Variants in ADGRD1 observed in about 807,000 individuals in gnomAD.
ADGRD1 encodes G-protein coupled receptor 133.
Under a neutral mutation model 113.4 loss-of-function variants are expected in ADGRD1, and 77 were observed. The ratio of observed to expected loss-of-function variants is 0.68; its 90% confidence interval spans 0.57 to 0.82. The LOEUF (loss-of-function observed/expected upper bound fraction) is 0.82. ADGRD1 is among the 40% of genes least tolerant of loss of function. ADGRD1 has a pLI of 0.00. For missense variants in ADGRD1, 1,036 were observed against 1,139.1 expected (o/e 0.91, Z 1.30); for synonymous variants, 474 against 475.0 (o/e 1.00, Z 0.03).
intron 13 of ADGRD1, among the ~76,000 whole-genome samples, chr12:131,033,804 TA>T (rs1357188944): frequency 1.3e-5 from 2 of 152,112 alleles, no homozygotes; most frequent in East Asian, 1.9e-4. Context: ...CTGCGTCTGC[TA>T]GGGGGAAGCA....
intron 23 of ADGRD1, 57 bp downstream of exon 23, chr12:131,137,071 A>G: frequency 7.3e-7 from 1 of 1,366,522 alleles, no homozygotes. Context: ...CCTTTCCGAA[A>G]GGTCACAGGA....
chr12:131,003,101 G>C lies in ADGRD1; in HGVS notation c.1027-84G>C. On this transcript the variant is annotated intron_variant, in intron 9 of 24. Transcript: ENST00000261654. The surrounding 1 kb of genome is among the most constrained non-coding windows in gnomAD (Gnocchi z 4.8). ...CCTCGTGGCCAACGTGGGGAAACTT[G>C]ATTTTGTGTGCCTGGTGCACCTGCC... 9.0e-7 allele frequency: 1 copy of C among 1,114,742 alleles called. No homozygotes were observed. The allele number at this position is 1,114,742 out of a possible 1,614,324, so 69.1% of individuals were successfully genotyped here. A position where few individuals can be genotyped will look rare whatever the true frequency, so the allele number is the denominator to read the frequency against.
intron 14 of ADGRD1, among the ~76,000 whole-genome samples, chr12:131,078,849 C>T (rs1566089712): frequency 6.6e-6 from 1 of 152,100 alleles, no homozygotes; most frequent in Non-Finnish European, 1.5e-5. Flanking sequence ...GCAATTATTA[C>T]TTATTATTAT....
chr12:131,134,100 A>C (rs1195436338), intron 21 of ADGRD1, among the ~76,000 whole-genome samples: 1 of 152,216 alleles, frequency 6.6e-6, no homozygotes, highest in Non-Finnish European at 1.5e-5. Flanking sequence ...CCTGAAAAAG[A>C]AGCAGAGAAT....
intron 13 of ADGRD1, among the ~76,000 whole-genome samples, chr12:131,054,449 G>A (rs1883673327): frequency 6.6e-6 from 1 of 152,226 alleles, no homozygotes; most frequent in South Asian, 2.1e-4. Context: ...AGCCATTAGT[G>A]TCAAGCTAAG....
chr12:130,968,842 C>T (rs879752582), intron 3 of ADGRD1: 26 of 620,330 alleles, frequency 4.2e-5, no homozygotes, highest in Non-Finnish European at 6.0e-5. Context: ...ATGTGAGGTC[C>T]GAAGAGAAAG....
At chr12:130,990,916 T>G (rs962849824) in intron 6 of ADGRD1, 98 bp from the exon 7 acceptor site, 2 of 852,854 alleles carry the variant, frequency 2.3e-6, no homozygotes, top group Admixed American at 4.1e-5. Context: ...CTCTCTTCCA[T>G]GTGTCTGAAG....
intron 15 of ADGRD1, among the ~76,000 whole-genome samples, chr12:131,085,848 C>T (rs1430235562): frequency 6.6e-6 from 1 of 152,164 alleles, no homozygotes; most frequent in Non-Finnish European, 1.5e-5. Context: ...ACGCCTCCAG[C>T]GTCTCCCGGA....
chr12:131,125,007 C>A (rs1423701244), intron 20 of ADGRD1, among the ~76,000 whole-genome samples: 1 of 152,162 alleles, frequency 6.6e-6, no homozygotes, highest in Non-Finnish European at 1.5e-5. Context: ...AGGCCTCTCT[C>A]CTTAGCTTGT....
rs78359458 is a variant in ADGRD1 at position 131,125,507 on chromosome 12, T to C, written c.2175+4594T>C. On this transcript the variant is annotated intron_variant, in intron 20 of 24. Transcript: ENST00000261654. ...AGAGACAGAGATATGGTTACAGATA[T>C]ATATACAGAGGTATAGATGCAAACA... 7.2e-5 allele frequency among the ~76,000 whole-genome samples: 11 copies of C among 152,284 alleles called. No individual in the cohort carries two copies. In the East Asian group the frequency reaches 1.2e-3, roughly 16 times the overall value.
intron 8 of ADGRD1, among the ~76,000 whole-genome samples, chr12:130,999,167 A>C (rs1463569051): frequency 6.6e-6 from 1 of 152,276 alleles, no homozygotes; most frequent in African/African-American, 2.4e-5. Flanking sequence ...GAGTCGGCAA[A>C]CTATGGCCCT....
chr12:130,955,778 A>C (rs1350142929), intron 2 of ADGRD1, among the ~76,000 whole-genome samples: 1 of 144,236 alleles, frequency 6.9e-6, no homozygotes, highest in African/African-American at 2.5e-5. Context: ...TTTTTAAAAA[A>C]ATTATTTTTG....
chr12:131,132,891 G>T (rs936428373), intron 21 of ADGRD1, among the ~76,000 whole-genome samples: 1 of 152,234 alleles, frequency 6.6e-6, no homozygotes, highest in African/African-American at 2.4e-5. Context: ...CAGCCACCGC[G>T]TATCTGTTCT....
intron 17 of ADGRD1, among the ~76,000 whole-genome samples, 157 bp downstream of exon 17, chr12:131,106,022 G>A (rs982201045): frequency 2.0e-5 from 3 of 151,922 alleles, no homozygotes; most frequent in Non-Finnish European, 4.4e-5. Context: ...CAGAGATCGT[G>A]ACGTGCATGA....
At chr12:130,986,735 AT>A (rs34083720) in intron 5 of ADGRD1, 1 of 236,822 alleles carries the variant, frequency 4.2e-6, no homozygotes. Flanking sequence ...GCTCCTGACC[AT>A]TTTTTCTTAA....
intron 8 of ADGRD1, 47 bp downstream of exon 8, chr12:130,992,439 T>A (rs780236335): frequency 1.3e-6 from 2 of 1,495,484 alleles, no homozygotes; most frequent in South Asian, 2.4e-5. Flanking sequence ...CGTGGCACCC[T>A]TACCGGGACC....
intron 20 of ADGRD1, among the ~76,000 whole-genome samples, chr12:131,123,084 C>G (rs1304637640): frequency 3.5e-5 from 2 of 56,530 alleles, no homozygotes; most frequent in African/African-American, 1.3e-4. Context: ...GCGACAGAGT[C>G]TTCGCTCTGT....
At chr12:131,092,618 C>A (rs888133179) in intron 15 of ADGRD1, among the ~76,000 whole-genome samples, 1 of 152,158 alleles carries the variant, frequency 6.6e-6, no homozygotes, top group Non-Finnish European at 1.5e-5. Flanking sequence ...GGCATGGGCA[C>A]CTGCCTTGGG....
Position 131,138,199 on chromosome 12 carries a change from C to T in ADGRD1, c.2499C>T (p.Thr833=). The T allele has an allele frequency of 6.2e-7, 1 of 1,613,708 alleles. No homozygotes were observed. Among genetic ancestry groups the T allele is most frequent in the Non-Finnish European group, 8.5e-7 (1 of 1,179,970 alleles). The part of the protein sequence containing the change: ...VWSLTSSSAR[T]SNAKPFHSDL... ...CGCTCACGAGCAGCTCTGCCCGCAC[C>T]TCCAACGCGAAGCCCTTCCACTCGG... Residue 833 remains threonine, a synonymous_variant, in exon 24 of 25, where the codon ACC becomes ACT. Transcript: ENST00000261654.
Sources: allele counts gnomAD v4.1 joint callset (sites outside exome capture counted in the v4.1 genomes callset), GRCh38; gene constraint gnomAD v4.1.1; non-coding constraint Gnocchi (gnomAD v3.1); transcripts MANE v1.5; gene names NCBI Gene and HGNC (gene_info 2026-07-23, HGNC 2026-07-21).